Variants in CACNA1C observed in about 807,000 individuals in gnomAD.
CACNA1C encodes voltage-dependent L-type calcium channel subunit alpha-1C.
In CACNA1C, 30 loss-of-function variants were observed where a neutral mutation model predicts 229.0. The ratio of observed to expected loss-of-function variants is 0.13; its 90% CI spans 0.10 to 0.18. CACNA1C has a LOEUF of 0.18. Among genes scored for constraint, CACNA1C ranks in the 10% least tolerant of loss-of-function variants. The pLI, the probability that CACNA1C is intolerant of heterozygous loss-of-function variation, is 1.00. For synonymous variants in CACNA1C, 1,114 were observed against 1,132.5 expected (o/e 0.98, Z 0.33); for missense variants, 1,658 against 2,845.0 (o/e 0.58, Z 9.49).
intron 1 of CACNA1C, among the ~76,000 whole-genome samples, chr12:2,047,792 G>T (rs1027356955): frequency 2.4e-4 from 36 of 152,330 alleles, no homozygotes; most frequent in African/African-American, 8.2e-4. Context: ...GTGGAAGCTG[G>T]TGAAGAATCT....
chr12:2,525,704 C>G (rs1245683035), intron 9 of CACNA1C, among the ~76,000 whole-genome samples: 3 of 152,200 alleles, frequency 2.0e-5, no homozygotes, highest in Non-Finnish European at 4.4e-5. Flanking sequence ...GTAACAACCC[C>G]AAACATAGGC....
intron 3 of CACNA1C, among the ~76,000 whole-genome samples, chr12:2,230,149 C>G (rs76800903): frequency 1.3e-5 from 2 of 152,142 alleles, no homozygotes; most frequent in Non-Finnish European, 2.9e-5. Context: ...GATGTCCCCT[C>G]CCGGGGCTGC....
chr12:2,478,849 C>T (rs1487671600), intron 5 of CACNA1C, among the ~76,000 whole-genome samples: 4 of 152,152 alleles, frequency 2.6e-5, no homozygotes, highest in Admixed American at 1.3e-4. Context: ...ATAGGTTCTC[C>T]GTAGGTGCTT....
chr12:2,300,778 A>G (rs2094493136), intron 3 of CACNA1C, among the ~76,000 whole-genome samples: 1 of 152,204 alleles, frequency 6.6e-6, no homozygotes, highest in Admixed American at 6.5e-5. Context: ...AGGACTCTCC[A>G]GGGCTAGATG....
chr12:2,648,857 A>G (rs1398443820), intron 31 of CACNA1C, among the ~76,000 whole-genome samples: 3 of 152,072 alleles, frequency 2.0e-5, no homozygotes, highest in Non-Finnish European at 4.4e-5. Flanking sequence ...CTGATAGGAG[A>G]AATTTGCAGA....
chr12:2,065,543 T>C (rs889281595), intron 1 of CACNA1C, among the ~76,000 whole-genome samples: 3 of 152,240 alleles, frequency 2.0e-5, no homozygotes, highest in Non-Finnish European at 4.4e-5. Flanking sequence ...AACTATCCCT[T>C]CCTTTAAGGG....
chr12:2,452,798 A>G (rs904698478), intron 4 of CACNA1C, among the ~76,000 whole-genome samples: 1 of 152,218 alleles, frequency 6.6e-6, no homozygotes, highest in African/African-American at 2.4e-5. Flanking sequence ...TTTTACTCCG[A>G]TCAGCATATT....
At chr12:2,023,642 T>G (rs1446083902) in intron 1 of CACNA1C, among the ~76,000 whole-genome samples, 1 of 152,196 alleles carries the variant, frequency 6.6e-6, no homozygotes, top group African/African-American at 2.4e-5. Flanking sequence ...TAGTAACTGT[T>G]CCAGGACAAG....
chr12:1,971,263 C>T lies in CACNA1C; in HGVS notation c.139+62C>T, dbSNP rs1388532757. ...ACATGTTGAAATTTACTCTAAATAT[C>T]CTAATGATACCTAGAATGTGACTTC... On this transcript the variant is annotated intron_variant, in intron 1 of 46. Transcript: ENST00000682462. The surrounding 1 kb of genome is among the most constrained non-coding windows in gnomAD (Gnocchi z 4.2). The T allele has an allele frequency of 4.8e-6, 4 of 835,342 alleles. No individual in the cohort carries two copies. In the African/African-American group the frequency reaches 7.0e-5, roughly 15 times the overall value. The allele number at this position is 835,342 out of a possible 1,614,324, so 51.7% of individuals were successfully genotyped here.
chr12:2,409,407 T>C (rs2098779898), intron 3 of CACNA1C, among the ~76,000 whole-genome samples: 1 of 152,194 alleles, frequency 6.6e-6, no homozygotes, highest in Non-Finnish European at 1.5e-5. Flanking sequence ...TAGTCAGCTC[T>C]GATAAAGTCA....
chr12:2,137,344 G>A (rs964535080), intron 3 of CACNA1C, among the ~76,000 whole-genome samples: 2 of 151,050 alleles, frequency 1.3e-5, no homozygotes, highest in Non-Finnish European at 3.0e-5. Context: ...ACCTCACTGA[G>A]TTATGGCAAG....
intron 3 of CACNA1C, among the ~76,000 whole-genome samples, chr12:2,289,914 A>G (rs1344544630): frequency 2.0e-5 from 3 of 152,216 alleles, no homozygotes; most frequent in Non-Finnish European, 4.4e-5. Context: ...CACTTGGAGG[A>G]TCACCTGGCC....
chr12:2,584,378 A>G (rs1238022617), intron 15 of CACNA1C, 125 bp from the exon 16 acceptor site: 2 of 657,784 alleles, frequency 3.0e-6, no homozygotes, highest in Non-Finnish European at 5.5e-6. Flanking sequence ...ACTCCCTCAA[A>G]TTGCTTCCCC....
chr12:2,206,674 T>C (rs2097765795), intron 3 of CACNA1C, among the ~76,000 whole-genome samples: 1 of 152,216 alleles, frequency 6.6e-6, no homozygotes, highest in African/African-American at 2.4e-5. Flanking sequence ...GTTTTAAATT[T>C]CTCTTGCTCT....
intron 13 of CACNA1C, among the ~76,000 whole-genome samples, chr12:2,572,337 TC>T: frequency 3.0e-5 from 1 of 32,792 alleles, no homozygotes. Context: ...CTCCTTCTCT[TC>T]TTCCTCCTCC....
In CACNA1C at chr12:2,679,734, C is replaced by G; in HGVS notation, c.5382C>G (p.His1794Gln). ...YPSTVSTVEG[H>Q]GPPLSPAIRV... ...GCACGGTCAGCACTGTGGAGGGCCA[C>G]GGGCCCCCCTTGTCCCCTGCCATCC... Residue 1794 changes from histidine (H) to glutamine (Q), a missense_variant, in exon 42 of 47, where the codon CAC becomes CAG. Around this residue, in one of 20 missense-constraint regions of CACNA1C, gnomAD observed 590 missense variants for 700.8 expected, o/e 0.84. Transcript: ENST00000399655. This position sits in a 1 kb window ranked among gnomAD's most constrained non-coding sequence, Gnocchi z 5.5. 1 of 1,604,866 alleles carries G rather than the reference C, an allele frequency of 6.2e-7. No individual in the cohort carries two copies. The highest frequency in any genetic ancestry group is 1.1e-5 in the South Asian group (1 of 89,624).
At position 2,108,714 on chromosome 12, in the gene CACNA1C, ACAGGGCCT is replaced by A. The variant is rs1363106972; in HGVS notation, c.50-6508_50-6501del. Among the ~76,000 whole-genome samples the A allele has an allele frequency of 6.6e-6, 1 of 152,180 alleles. No individual in the cohort carries two copies. The highest frequency in any genetic ancestry group is 2.4e-5 in the African/African-American group (1 of 41,434). On this transcript the variant is annotated intron_variant, in intron 1 of 46. Coordinates refer to ENST00000399655, the MANE Select transcript of CACNA1C (RefSeq NM_000719.7). This position sits in a 1 kb window ranked among gnomAD's most constrained non-coding sequence, Gnocchi z 5.3. ...GAGGAGTGCCACTGGGGTTGAGATGACAGGGCCTCGGGTTATCGTCTGAGATCGAGAGA... is the reference window on the plus strand; with the variant it reads ...GAGGAGTGCCACTGGGGTTGAGATGACGGGTTATCGTCTGAGATCGAGAGA...
chr12:2,280,387 C>T (rs1262236676), intron 3 of CACNA1C, among the ~76,000 whole-genome samples: 12 of 91,962 alleles, frequency 1.3e-4, no homozygotes, highest in South Asian at 4.6e-4. Flanking sequence ...TCGGTTTGAC[C>T]TCTTGATACC....
chr12:2,473,522 A>G (rs16929455), intron 5 of CACNA1C, among the ~76,000 whole-genome samples: 2,614 of 152,338 alleles, frequency 0.017, 59 homozygotes, highest in African/African-American at 0.055. Context: ...CTTATTGTGT[A>G]TAAGGCACAG....
Sources: allele counts gnomAD v4.1 joint callset (sites outside exome capture counted in the v4.1 genomes callset), GRCh38; gene constraint gnomAD v4.1.1; regional missense constraint gnomAD v4.1.1; non-coding constraint Gnocchi (gnomAD v3.1); transcripts MANE v1.5; gene names NCBI Gene and HGNC (gene_info 2026-07-23, HGNC 2026-07-21).